Variants in DAPK1 observed in about 807,000 individuals in gnomAD.
DAPK1 encodes death-associated protein kinase 1.
In DAPK1, 56 loss-of-function variants were observed where a neutral mutation model predicts 144.9. The observed-to-expected ratio is 0.39, with a 90% CI of 0.31 to 0.48. DAPK1 has a LOEUF of 0.48. Ranked by LOEUF, DAPK1 falls within the 20% of genes least tolerant of loss-of-function variation. The pLI, the probability that DAPK1 is intolerant of heterozygous loss-of-function variation, is 0.95. For missense variants in DAPK1, 1,454 were observed against 1,875.4 expected (o/e 0.78, Z 4.15); for synonymous variants, 690 against 749.0 (o/e 0.92, Z 1.29).
chr9:87,550,935 A>G (rs748284050), intron 2 of DAPK1, among the ~76,000 whole-genome samples: 16 of 152,080 alleles, frequency 1.1e-4, no homozygotes, highest in Non-Finnish European at 1.9e-4. Context: ...TTTTTCTTGG[A>G]TACATACCCT....
chr9:87,516,371 C>T (rs769656329), intron 2 of DAPK1, among the ~76,000 whole-genome samples: 3 of 152,130 alleles, frequency 2.0e-5, no homozygotes, highest in African/African-American at 4.8e-5. Context: ...TAAGTCCAGC[C>T]GTGGCAAACA....
At chr9:87,660,087 C>A (rs2119228353) in intron 18 of DAPK1, among the ~76,000 whole-genome samples, 1 of 152,306 alleles carries the variant, frequency 6.6e-6, no homozygotes. Context: ...CTCAGCCGGA[C>A]AGAGTCCCGG....
intron 2 of DAPK1, among the ~76,000 whole-genome samples, chr9:87,531,636 T>C (rs549667571): frequency 1.1e-4 from 17 of 152,232 alleles, no homozygotes; most frequent in Non-Finnish European, 1.5e-4. Context: ...AACAGTCCTC[T>C]CCCCAGTGTA....
At chr9:87,524,665 A>G (rs1291978425) in intron 2 of DAPK1, among the ~76,000 whole-genome samples, 2 of 152,238 alleles carry the variant, frequency 1.3e-5, no homozygotes, top group Non-Finnish European at 2.9e-5. Context: ...CAAAAAGTGG[A>G]TAAAGAAACT....
intron 2 of DAPK1, among the ~76,000 whole-genome samples, chr9:87,593,782 G>A (rs753530727): frequency 1.3e-5 from 2 of 152,186 alleles, no homozygotes; most frequent in Non-Finnish European, 2.9e-5. Context: ...AGCTTGCCAA[G>A]TTGAGAACAA....
chr9:87,599,775 A>G (rs1388320025), intron 2 of DAPK1, among the ~76,000 whole-genome samples: 1 of 152,228 alleles, frequency 6.6e-6, no homozygotes, highest in African/African-American at 2.4e-5. Flanking sequence ...TTCTCTAGAA[A>G]TTCACTGCAA....
In DAPK1 at chr9:87,700,106, T is replaced by A. The variant is rs1825409980; in HGVS notation, c.2751-11T>A. The A allele has an allele frequency of 6.2e-7, 1 of 1,610,908 alleles. No individual in the cohort carries two copies. The highest frequency in any genetic ancestry group is 1.1e-5 in the South Asian group (1 of 91,016). ...GACTCACTGCTGAGGAGGCTGCTGC[T>A]CTTCCCTTAGGTTTGGAAATGATCT... is the stretch of plus-strand genomic sequence containing the variant. On this transcript the variant is annotated splice_polypyrimidine_tract_variant and intron_variant, in intron 23 of 25. Coordinates refer to ENST00000408954, the MANE Select transcript of DAPK1 (RefSeq NM_004938.4).
intron 2 of DAPK1, among the ~76,000 whole-genome samples, chr9:87,551,689 C>T (rs987074959): frequency 3.9e-5 from 6 of 152,130 alleles, no homozygotes; most frequent in Non-Finnish European, 7.4e-5. Flanking sequence ...TGGCCCAGGG[C>T]CACATCCTCC....
intron 1 of DAPK1, chr9:87,498,466 G>C (rs1262973690): frequency 3.7e-6 from 1 of 268,994 alleles, no homozygotes; most frequent in Non-Finnish European, 6.9e-6. Context: ...TGTGGCTCTG[G>C]GGACTGCCTC....
intron 18 of DAPK1, among the ~76,000 whole-genome samples, chr9:87,659,684 G>A (rs114175478): frequency 1.6e-3 from 237 of 152,196 alleles, no homozygotes; most frequent in African/African-American, 5.2e-3. Flanking sequence ...AGGTCCCTCC[G>A]TGCACCTCCT....
intron 2 of DAPK1, among the ~76,000 whole-genome samples, chr9:87,517,854 G>A (rs145710431): frequency 1.2e-3 from 185 of 152,212 alleles, no homozygotes; most frequent in African/African-American, 4.2e-3. Flanking sequence ...TACCATGTTA[G>A]CTTGTCCCAG....
intron 19 of DAPK1, among the ~76,000 whole-genome samples, chr9:87,680,751 A>G (rs36217788): frequency 1.3e-5 from 2 of 152,180 alleles, no homozygotes; most frequent in African/African-American, 4.8e-5. Context: ...TTAGAGACAG[A>G]AAACATCTCT....
At chr9:87,574,237 G>A (rs961227243) in intron 2 of DAPK1, among the ~76,000 whole-genome samples, 3 of 152,202 alleles carry the variant, frequency 2.0e-5, no homozygotes, top group African/African-American at 7.2e-5. Context: ...AGCTAGTTAT[G>A]TGGCCATAAG....
chr9:87,615,904 A>T (rs1337197360), intron 3 of DAPK1, among the ~76,000 whole-genome samples: 1 of 152,238 alleles, frequency 6.6e-6, no homozygotes, highest in Admixed American at 6.5e-5. Context: ...TGAGTTTTCT[A>T]AGCCCTAGGA....
intron 2 of DAPK1, among the ~76,000 whole-genome samples, chr9:87,566,020 C>CTT (rs11354174): frequency 0.029 from 3,485 of 120,570 alleles, 179 homozygotes; most frequent in African/African-American, 0.1. Context: ...TCTCAGCATT[C>CTT]TTTTTTTTTT....
At chr9:87,644,414 C>T (rs1482931777) in intron 11 of DAPK1, among the ~76,000 whole-genome samples, 2 of 152,028 alleles carry the variant, frequency 1.3e-5, no homozygotes, top group East Asian at 3.9e-4. Context: ...TCAGCATTTT[C>T]CCGGTGGAGC....
intron 2 of DAPK1, among the ~76,000 whole-genome samples, chr9:87,566,966 C>T (rs1051709572): frequency 5.3e-5 from 8 of 152,086 alleles, no homozygotes; most frequent in African/African-American, 1.2e-4. Flanking sequence ...TGCCTGGTTG[C>T]AAAGAAAAAT....
At chr9:87,516,632 T>A (rs1324580207) in intron 2 of DAPK1, among the ~76,000 whole-genome samples, 1 of 152,212 alleles carries the variant, frequency 6.6e-6, no homozygotes. Context: ...GGTTTCTGCC[T>A]TTCCAGCAGG....
At chr9:87,704,332 T>G (rs1825558768) in intron 25 of DAPK1, among the ~76,000 whole-genome samples, 1 of 152,220 alleles carries the variant, frequency 6.6e-6, no homozygotes, top group Non-Finnish European at 1.5e-5. Flanking sequence ...ACCAGCAACT[T>G]TCTAGATCAT....
Sources: gnomAD v4.1 joint callset for allele counts (sites outside exome capture counted in the v4.1 genomes callset) on GRCh38, gnomAD v4.1.1 for gene constraint, MANE v1.5 for transcripts, NCBI Gene and HGNC (gene_info 2026-07-23, HGNC 2026-07-21) for gene names.